Variants in ZNF718 observed in about 807,000 individuals in gnomAD.
ZNF718 encodes zinc finger protein 718.
A neutral mutation model predicts 2.6 loss-of-function variants in ZNF718; 3 were observed. The observed-to-expected ratio is 1.16, with a 90% CI of 0.53 to 3.01. ZNF718 has a LOEUF of 3.01. Ranked by LOEUF, ZNF718 falls within the 30% of genes most tolerant of loss-of-function variation. The probability of loss-of-function intolerance (pLI) is 0.03; values close to 1 mark genes in which losing one functional copy is unlikely to be tolerated. For missense variants in ZNF718, 468 were observed against 230.0 expected, an observed-to-expected ratio of 2.03 and a Z score of -6.69; for synonymous variants, 135 against 77.9, an observed-to-expected ratio of 1.73 and a Z score of -3.86.
intron 3 of ZNF718, among the ~76,000 whole-genome samples, chr4:142,268 T>A (rs1715846727): frequency 2.0e-5 from 3 of 152,242 alleles, no homozygotes; most frequent in African/African-American, 4.8e-5. Context: ...GAATTTTTTT[T>A]CTTATGCTTC....
At chr4:171,671 C>T (rs899918936) in intron 3 of ZNF718, among the ~76,000 whole-genome samples, 2 of 152,142 alleles carry the variant, frequency 1.3e-5, no homozygotes, top group African/African-American at 4.8e-5. Flanking sequence ...TCCTGGTGTG[C>T]GATTTGCTAA....
At chr4:185,464 A>G (rs1717549829) in intron 3 of ZNF718, among the ~76,000 whole-genome samples, 1 of 152,172 alleles carries the variant, frequency 6.6e-6, no homozygotes, top group Admixed American at 6.5e-5. Flanking sequence ...TGATGAGAAC[A>G]ATGCATATTC....
At chr4:168,925 G>A (rs185437962), downstream of ZNF718, among the ~76,000 whole-genome samples, 1,293 of 152,204 alleles carry the variant, frequency 8.5e-3, 17 homozygotes, top group Middle Eastern at 0.061. Context: ...TGGTTCTCTA[G>A]TTCTTTTAAT....
intron 3 of ZNF718, among the ~76,000 whole-genome samples, chr4:159,869 A>G (rs944466025): frequency 6.6e-6 from 1 of 152,186 alleles, no homozygotes; most frequent in Non-Finnish European, 1.5e-5. Flanking sequence ...CATGAACTAA[A>G]AGCTATTTGT....
intron 3 of ZNF718, among the ~76,000 whole-genome samples, chr4:198,306 ACACC>A (rs1717832304): frequency 6.6e-6 from 1 of 152,170 alleles, no homozygotes; most frequent in Admixed American, 6.5e-5. Flanking sequence ...TCCAGCATAA[ACACC>A]CAGACAGGCT....
intron 3 of ZNF718, among the ~76,000 whole-genome samples, chr4:156,569 C>T (rs1312975632): frequency 6.6e-6 from 1 of 152,084 alleles, no homozygotes; most frequent in Middle Eastern, 3.2e-3. Flanking sequence ...TGCATTGTAT[C>T]TCTAGAATGT....
chr4:149,746 G>A (rs1716231789), intron 3 of ZNF718: 1 of 151,984 alleles, frequency 6.6e-6, no homozygotes, highest in Non-Finnish European at 1.5e-5. Context: ...GTGTAGGTGA[G>A]TAGTCAAAAA....
chr4:144,254 C>G (rs1181212364), intron 3 of ZNF718, among the ~76,000 whole-genome samples: 6 of 152,198 alleles, frequency 3.9e-5, no homozygotes, highest in Non-Finnish European at 7.4e-5. Context: ...TGTATTTTGT[C>G]CAATTCTTTG....
chr4:137,390 G>A (rs542089735), intron 3 of ZNF718, among the ~76,000 whole-genome samples: 1 of 152,288 alleles, frequency 6.6e-6, no homozygotes, highest in South Asian at 2.1e-4. Context: ...AGTAGAATTA[G>A]TGGGTCATAG....
At chr4:136,379 G>A (rs534220351) in intron 3 of ZNF718, 31 of 520,358 alleles carry the variant, frequency 6.0e-5, no homozygotes, top group African/African-American at 4.0e-4. Context: ...CAGGTCCATG[G>A]CTGGGTGTGT....
intron 3 of ZNF718, among the ~76,000 whole-genome samples, chr4:148,106 G>A (rs536133945): frequency 6.6e-6 from 1 of 152,294 alleles, no homozygotes; most frequent in East Asian, 1.9e-4. Context: ...CGGCATTTAT[G>A]CCTTCAGATT....
intron 3 of ZNF718, among the ~76,000 whole-genome samples, chr4:194,832 A>G (rs1553821789): frequency 6.6e-6 from 1 of 152,234 alleles, no homozygotes; most frequent in Non-Finnish European, 1.5e-5. Context: ...AAAAAAGAAC[A>G]TAGGGATGCC....
chr4:146,126 A>G (rs936837709), intron 3 of ZNF718, among the ~76,000 whole-genome samples: 1 of 150,560 alleles, frequency 6.6e-6, no homozygotes, highest in Non-Finnish European at 1.5e-5. Flanking sequence ...TTATACTTTT[A>G]TATGTTTTCT....
rs1553814961 is a variant in ZNF718, at chr4:161,173, TAAG to T, written c.490_492del (p.Arg164del). The T allele has an allele frequency of 3.9e-6, 3 of 765,952 alleles. No homozygotes were observed. Among genetic ancestry groups the T allele is most frequent in the Non-Finnish European group, 7.3e-6 (3 of 410,846 alleles). 47.4% of individuals were successfully genotyped at this position (765,952 alleles called of 1,614,324 possible). A position where few individuals can be genotyped will look rare whatever the true frequency, so the allele number is the denominator to read the frequency against. The stretch of plus-strand genomic sequence containing the variant: ...TTTTCAAATTCAAACAAAGATAAGA[TAAG>T]ATATACTGGAGATAAAACCTTTAAA... On this transcript the variant is annotated inframe_deletion, in exon 4 of 4. Transcript: ENST00000510175.
rs1252993092 is a variant in ZNF718, at chr4:132,628, T to G, written c.226+1123T>G. ...GTATTGCATCTTTTCTGCTTAGTGATTTTTAATCCTATAGAGGTTGCAAAT... is the reference window on the plus strand; with the variant it reads ...GTATTGCATCTTTTCTGCTTAGTGAGTTTTAATCCTATAGAGGTTGCAAAT... On this transcript the variant is annotated intron_variant, in intron 3 of 3. Coordinates refer to ENST00000510175, the MANE Select transcript of ZNF718 (RefSeq NM_001039127.6). Among the ~76,000 whole-genome samples the G allele has an allele frequency of 4.4e-3, 464 of 104,764 alleles. 137 individuals carry two copies. Among genetic ancestry groups the G allele is most frequent in the African/African-American group, 0.014 (419 of 30,332 alleles). The allele number at this position is 104,764 out of a possible 152,430, so 68.7% of individuals were successfully genotyped here.
rs1716802306 is a variant in ZNF718, at chr4:161,023, A to G, written c.338A>G (p.Lys113Arg). 1 of 780,932 alleles carries G rather than the reference A, an allele frequency of 1.3e-6. No homozygotes were observed. Among genetic ancestry groups the G allele is most frequent in the Non-Finnish European group, 2.4e-6 (1 of 418,022 alleles). 48.4% of individuals were successfully genotyped at this position (780,932 alleles called of 1,614,324 possible). A position where few individuals can be genotyped will look rare whatever the true frequency, so the allele number is the denominator to read the frequency against. ...AAACGTGGACATGAGAATTTAAGAA[A>G]AACTTGTAAAAGTATAAATGAGTGT... ...HEKRGHENLR[K>R]TCKSINECKV... is the part of the protein sequence containing the mutation. The change falls in exon 4 of 4, where the codon AAA becomes AGA. Residue 113 changes from lysine to arginine, a missense_variant. By Grantham distance (26) the Lys-to-Arg change is conservative (BLOSUM62 2). Coordinates refer to ENST00000510175, the MANE Select transcript of ZNF718 (RefSeq NM_001039127.6).
intron 3 of ZNF718, among the ~76,000 whole-genome samples, chr4:140,857 A>T (rs1477206247): frequency 6.6e-6 from 1 of 152,258 alleles, no homozygotes; most frequent in Non-Finnish European, 1.5e-5. Flanking sequence ...GACTTAAAGT[A>T]TAACTTTACT....
chr4:167,727 C>T (rs1553817167), downstream of ZNF718, among the ~76,000 whole-genome samples: 3 of 152,086 alleles, frequency 2.0e-5, no homozygotes, highest in African/African-American at 7.2e-5. Flanking sequence ...CTGAAGTTGC[C>T]TATCAGCTTA....
At chr4:172,122 A>G (rs1219619353) in intron 3 of ZNF718, among the ~76,000 whole-genome samples, 4 of 152,192 alleles carry the variant, frequency 2.6e-5, no homozygotes, top group African/African-American at 9.6e-5. Flanking sequence ...ATGCTGTACA[A>G]TAAATTTTCT....
Sources: gnomAD v4.1 joint callset for allele counts (sites outside exome capture counted in the v4.1 genomes callset) on GRCh38, gnomAD v4.1.1 for gene constraint, MANE v1.5 for transcripts, NCBI Gene and HGNC (gene_info 2026-07-23, HGNC 2026-07-21) for gene names.